Variants in TRAM2 observed in about 807,000 individuals in gnomAD.
TRAM2 encodes the protein translocating chain-associated membrane protein 2.
TRAM2 carries 12 observed loss-of-function variants against 51.0 expected under a neutral mutation model. That is an observed-to-expected ratio of 0.24 (90% CI 0.15 to 0.38). The LOEUF is 0.38. Ranked by LOEUF, TRAM2 falls within the 10% of genes least tolerant of loss-of-function variation. The pLI, the probability that TRAM2 is intolerant of heterozygous loss-of-function variation, is 1.00. For synonymous variants in TRAM2, 175 were observed against 179.4 expected, an observed-to-expected ratio of 0.98 and a Z score of 0.20; for missense variants, 361 against 462.0, an observed-to-expected ratio of 0.78 and a Z score of 2.00.
chr6:52,566,640 C>T (rs75085761), intron 1 of TRAM2, among the ~76,000 whole-genome samples: 12,933 of 152,204 alleles, frequency 0.085, 759 homozygotes, highest in Non-Finnish European at 0.12. Flanking sequence ...CCCACCTCCA[C>T]CCTTGTCCCC....
chr6:52,509,697 A>T (rs182437229), intron 4 of TRAM2, 111 bp from the exon 5 acceptor site: 499 of 864,830 alleles, frequency 5.8e-4, no homozygotes, highest in Admixed American at 9.3e-4. Flanking sequence ...TGACAGAAAG[A>T]GGAAGGAACA....
At chr6:52,520,629 G>T (rs1430411196) in intron 2 of TRAM2, among the ~76,000 whole-genome samples, 2 of 152,124 alleles carry the variant, frequency 1.3e-5, no homozygotes, top group Non-Finnish European at 2.9e-5. Flanking sequence ...ACTATCTCAT[G>T]AGATAAGCAA....
chr6:52,508,491 C>T (rs950829645), intron 5 of TRAM2, among the ~76,000 whole-genome samples, 173 bp from the exon 6 acceptor site: 3 of 152,246 alleles, frequency 2.0e-5, no homozygotes, highest in African/African-American at 7.2e-5. Flanking sequence ...ACCCTGGCTT[C>T]TCCATTGGCC....
Position 52,527,291 on chromosome 6 carries a change from T to G in TRAM2, c.184+8492A>C, listed in dbSNP as rs1231138369. The stretch of plus-strand genomic sequence containing the variant: ...TACTCGGGAGGCTGAGGCAGGAGAA[T>G]AGCTTGAACCCAGGAGGTGGAGGAT... On this transcript the variant is annotated intron_variant, in intron 2 of 10. Transcript: ENST00000182527. 1.0e-4 allele frequency among the ~76,000 whole-genome samples: 15 copies of G among 149,978 alleles called. No homozygotes were observed. The Admixed American group carries it at 1.0e-3, about 10-fold the overall frequency.
At chr6:52,554,342 TG>T (rs1767363297) in intron 1 of TRAM2, among the ~76,000 whole-genome samples, 1 of 151,864 alleles carries the variant, frequency 6.6e-6, no homozygotes, top group Admixed American at 6.6e-5. Flanking sequence ...CTGGCCAACA[TG>T]GTGAAAACCT....
At chr6:52,569,380 AC>A (rs1221755856) in intron 1 of TRAM2, among the ~76,000 whole-genome samples, 1 of 102,270 alleles carries the variant, frequency 9.8e-6, no homozygotes, top group Non-Finnish European at 2.0e-5. Context: ...ACAAAGCAAG[AC>A]TCCATTTAAA....
At chr6:52,542,075 G>A (rs1767093670) in intron 1 of TRAM2, among the ~76,000 whole-genome samples, 1 of 152,014 alleles carries the variant, frequency 6.6e-6, no homozygotes, top group African/African-American at 2.4e-5. Context: ...CTGAGGCTGG[G>A]AAATTAGGTA....
At chr6:52,570,764 C>T (rs1369341825) in intron 1 of TRAM2, among the ~76,000 whole-genome samples, 2 of 148,990 alleles carry the variant, frequency 1.3e-5, no homozygotes, top group East Asian at 2.0e-4. Flanking sequence ...CCAGAGGCCT[C>T]AGAGATCTGC....
At chr6:52,535,972 A>G in intron 1 of TRAM2, 126 bp from the exon 2 acceptor site, 2 of 695,786 alleles carry the variant, frequency 2.9e-6, no homozygotes, top group Non-Finnish European at 4.8e-6. Flanking sequence ...GTTCTGCCTA[A>G]TGCAGAGTTA....
At chr6:52,569,300 G>C (rs1767639089) in intron 1 of TRAM2, among the ~76,000 whole-genome samples, 1 of 151,132 alleles carries the variant, frequency 6.6e-6, no homozygotes, top group African/African-American at 2.4e-5. Context: ...TGAAGTGGGA[G>C]AATCGCTTGA....
intron 1 of TRAM2, among the ~76,000 whole-genome samples, chr6:52,562,893 T>C (rs933023255): frequency 6.6e-6 from 1 of 152,240 alleles, no homozygotes; most frequent in Non-Finnish European, 1.5e-5. Context: ...TACATTTTCA[T>C]GGGTATACAG....
intron 4 of TRAM2, 100 bp downstream of exon 4, chr6:52,515,906 G>C (rs749646395): frequency 2.3e-5 from 23 of 1,003,870 alleles, no homozygotes; most frequent in Non-Finnish European, 3.5e-5. Flanking sequence ...AAAAGAAAAA[G>C]AGCAAGGGGT....
intron 2 of TRAM2, chr6:52,529,765 C>T (rs923522717): frequency 3.3e-5 from 5 of 152,250 alleles, no homozygotes; most frequent in South Asian, 2.1e-4. Flanking sequence ...ATTAGTAGCA[C>T]AACCCAAGAC....
chr6:52,554,519 CAAA>C (rs55641649), intron 1 of TRAM2, among the ~76,000 whole-genome samples: 48 of 109,088 alleles, frequency 4.4e-4, no homozygotes, highest in East Asian at 7.3e-4. Flanking sequence ...GACCCCATCT[CAAA>C]AAAAAAAAAA....
intron 2 of TRAM2, 77 bp downstream of exon 2, chr6:52,535,706 C>A: frequency 1.5e-6 from 2 of 1,366,398 alleles, no homozygotes; most frequent in Non-Finnish European, 2.0e-6. Context: ...AAATTGTACA[C>A]AGATGGGGAA....
At chr6:52,561,214 G>A (rs1272856470) in intron 1 of TRAM2, among the ~76,000 whole-genome samples, 1 of 152,196 alleles carries the variant, frequency 6.6e-6, no homozygotes, top group Admixed American at 6.5e-5. Flanking sequence ...TTGTTGCTGG[G>A]GTGGAGATGC....
At chr6:52,516,842 C>A in intron 2 of TRAM2, 105 bp from the exon 3 acceptor site, 1 of 860,176 alleles carries the variant, frequency 1.2e-6, no homozygotes, top group Non-Finnish European at 1.9e-6. Context: ...CAAATGCTAC[C>A]CGTTTGCTAT....
chr6:52,548,455 A>C (rs1454201646), intron 1 of TRAM2, among the ~76,000 whole-genome samples: 3 of 152,194 alleles, frequency 2.0e-5, no homozygotes, highest in African/African-American at 7.2e-5. Context: ...ACCTCATCTA[A>C]CCTCCAACTC....
At chr6:52,545,945 G>A (rs555562231) in intron 1 of TRAM2, among the ~76,000 whole-genome samples, 7 of 152,138 alleles carry the variant, frequency 4.6e-5, no homozygotes, top group Admixed American at 2.0e-4. Context: ...TGGTACCACC[G>A]CTCAAATGTG....
Sources: gnomAD v4.1 joint callset for allele counts (sites outside exome capture counted in the v4.1 genomes callset) on GRCh38, gnomAD v4.1.1 for gene constraint, MANE v1.5 for transcripts, NCBI Gene and HGNC (gene_info 2026-07-23, HGNC 2026-07-21) for gene names.